Variants in RAB27A observed in about 807,000 individuals in gnomAD.
The protein encoded by RAB27A is ras-related protein Rab-27A.
A neutral mutation model predicts 20.8 loss-of-function variants in RAB27A; 17 were observed. That is an observed-to-expected ratio of 0.82 (90% CI 0.56 to 1.23). RAB27A has a LOEUF of 1.23. Ranked by LOEUF, RAB27A falls within the 50% of genes most tolerant of loss-of-function variation. The probability of loss-of-function intolerance (pLI) is 0.00; values close to 1 mark genes in which losing one functional copy is unlikely to be tolerated. For synonymous variants in RAB27A, 85 were observed against 92.8 expected (o/e 0.92, Z 0.48); for missense variants, 277 against 266.7 (o/e 1.04, Z -0.27).
chr15:55,219,452 C>T (rs920433630), intron 6 of RAB27A, among the ~76,000 whole-genome samples: 5 of 152,160 alleles, frequency 3.3e-5, no homozygotes, highest in Non-Finnish European at 7.4e-5. Flanking sequence ...TGCTAGCATG[C>T]GTCTTTGATA....
At chr15:55,209,349 G>A (rs150492459) in intron 6 of RAB27A, among the ~76,000 whole-genome samples, 2,453 of 152,126 alleles carry the variant, frequency 0.016, 38 homozygotes, top group Middle Eastern at 0.041. Flanking sequence ...ATCTTCATGA[G>A]ATCCACCTTT....
At chr15:55,277,358 T>C (rs12050905) in intron 1 of RAB27A, among the ~76,000 whole-genome samples, 35,247 of 151,968 alleles carry the variant, frequency 0.23, 5,219 homozygotes, top group East Asian at 0.55. Context: ...CTTTGGTAAA[T>C]TTGGCAGGGC....
At chr15:55,210,425 T>TTC (rs1205102998) in intron 6 of RAB27A, among the ~76,000 whole-genome samples, 1 of 144,670 alleles carries the variant, frequency 6.9e-6, no homozygotes, top group African/African-American at 2.7e-5. Flanking sequence ...TTTTTTTTTT[T>TTC]GAGGGGGGGG....
In RAB27A at chr15:55,228,664, A is replaced by G. The variant is rs1014023546; in HGVS notation, c.288T>C (p.Leu96=). 3 of 1,613,776 alleles carry G rather than the reference A, an allele frequency of 1.9e-6. No homozygotes were observed. The African/African-American group carries it at 4.0e-5, about 22-fold the overall frequency. The change falls in exon 5 of 7, where the codon CTT becomes CTC. Residue 96 remains leucine (L), a synonymous_variant. Transcript: ENST00000336787. The part of the protein sequence containing the change: ...TAFFRDAMGF[L]LLFDLTNEQS... ...GCTCATTTGTCAGATCAAAAAGTAGAAGAAAACCCATAGCATCTCTGAAGA... is the reference window on the plus strand; with the variant it reads ...GCTCATTTGTCAGATCAAAAAGTAGGAGAAAACCCATAGCATCTCTGAAGA...
chr15:55,299,488 G>C (rs1470412334), intron 2 of RAB27A, among the ~76,000 whole-genome samples: 1 of 151,732 alleles, frequency 6.6e-6, no homozygotes, highest in East Asian at 2.0e-4. Flanking sequence ...CAGCTACTCG[G>C]AAGGCTGAGG....
intron 1 of RAB27A, among the ~76,000 whole-genome samples, chr15:55,272,100 C>A (rs922914209): frequency 1.3e-5 from 2 of 152,288 alleles, no homozygotes; most frequent in Non-Finnish European, 2.9e-5. Context: ...ATTACAAGTT[C>A]ATATTAGCAC....
At chr15:55,258,214 C>T (rs866614885) in intron 2 of RAB27A, among the ~76,000 whole-genome samples, 17 of 152,108 alleles carry the variant, frequency 1.1e-4, no homozygotes, top group African/African-American at 3.9e-4. Flanking sequence ...TTACCCTTAT[C>T]TAATTACTTA....
chr15:55,268,607 G>A (rs571042423), intron 2 of RAB27A, among the ~76,000 whole-genome samples: 9 of 152,192 alleles, frequency 5.9e-5, no homozygotes, highest in South Asian at 2.1e-4. Context: ...AAGTAAACAC[G>A]TACACACTCA....
intron 6 of RAB27A, among the ~76,000 whole-genome samples, chr15:55,221,522 C>G (rs557257212): frequency 3.9e-4 from 59 of 152,290 alleles, no homozygotes; most frequent in Non-Finnish European, 7.9e-4. Flanking sequence ...CAGCCTCCCC[C>G]TCAGAATCAC....
chr15:55,224,984 C>T (rs571734641), intron 5 of RAB27A, among the ~76,000 whole-genome samples: 1 of 152,348 alleles, frequency 6.6e-6, no homozygotes, highest in African/African-American at 2.4e-5. Context: ...AATTTCACAA[C>T]AGTTCTTTGC....
chr15:55,304,222 G>A (rs2054987965), intron 2 of RAB27A, among the ~76,000 whole-genome samples: 1 of 151,020 alleles, frequency 6.6e-6, no homozygotes, highest in South Asian at 2.1e-4. Flanking sequence ...ATGGATTAAG[G>A]GCGGTGCAAG....
At chr15:55,288,422 G>A (rs1898214282) in intron 1 of RAB27A, among the ~76,000 whole-genome samples, 2 of 152,104 alleles carry the variant, frequency 1.3e-5, no homozygotes, top group South Asian at 4.1e-4. Context: ...TCTGGAGTCT[G>A]AAGCAAAAGA....
chr15:55,237,625 C>T (rs186239367), intron 2 of RAB27A, among the ~76,000 whole-genome samples: 18 of 152,202 alleles, frequency 1.2e-4, no homozygotes, highest in Non-Finnish European at 1.9e-4. Context: ...CATATCACAG[C>T]ATCACACCTG....
At chr15:55,253,160 C>T (rs896873578) in intron 2 of RAB27A, among the ~76,000 whole-genome samples, 2 of 147,570 alleles carry the variant, frequency 1.4e-5, no homozygotes, top group East Asian at 2.0e-4. Context: ...AGAAAGGCTC[C>T]CTAATGGCCA....
In RAB27A at chr15:55,308,052, T is replaced by C. The variant is rs182349628; in HGVS notation, c.-112+5987A>G. Among the ~76,000 whole-genome samples the C allele has an allele frequency of 3.3e-3, 510 of 152,284 alleles. 1 individual carries two copies. The highest frequency in any genetic ancestry group is 0.012 in the African/African-American group (484 of 41,564). ...GTGAGGTTCCCCATTCTATTTCTTC[T>C]TCTGAGTACTGGGGCTTGGTTTCCC... On this transcript the variant is annotated intron_variant, in intron 2 of 5. Coordinates refer to the RAB27A transcript ENST00000563262.
chr15:55,250,394 C>T (rs1008641507), intron 2 of RAB27A, among the ~76,000 whole-genome samples: 18 of 152,186 alleles, frequency 1.2e-4, no homozygotes, highest in South Asian at 6.2e-4. Flanking sequence ...CTACCTTTAA[C>T]GTATACATGT....
At chr15:55,262,078 G>C (rs1175087200) in intron 2 of RAB27A, among the ~76,000 whole-genome samples, 1 of 150,626 alleles carries the variant, frequency 6.6e-6, no homozygotes, top group African/African-American at 2.4e-5. Context: ...TTTTCATGAA[G>C]ATATTGTACA....
chr15:55,312,872 GCT>G (rs1938769344), intron 2 of RAB27A, among the ~76,000 whole-genome samples: 1 of 152,144 alleles, frequency 6.6e-6, no homozygotes, highest in Non-Finnish European at 1.5e-5. Flanking sequence ...CATGTGACAT[GCT>G]CTAAGACAAA....
chr15:55,223,142 A>G (rs17238206), intron 6 of RAB27A, among the ~76,000 whole-genome samples: 26,543 of 152,096 alleles, frequency 0.17, 2,709 homozygotes, highest in African/African-American at 0.26. Context: ...CCAGCACCTA[A>G]TCTGCAATAA....
Sources: gnomAD v4.1 joint callset for allele counts (sites outside exome capture counted in the v4.1 genomes callset) on GRCh38, gnomAD v4.1.1 for gene constraint, MANE v1.5 for transcripts, NCBI Gene and HGNC (gene_info 2026-07-23, HGNC 2026-07-21) for gene names.